The following ACOXL variants were observed in gnomAD, a reference collection of about 807,000 sequenced individuals.
The protein encoded by ACOXL is acyl-coenzyme A oxidase-like protein.
Under a neutral mutation model 71.9 loss-of-function variants are expected in ACOXL, and 70 were observed. The ratio of observed to expected loss-of-function variants is 0.97; its 90% CI spans 0.80 to 1.19. The LOEUF (loss-of-function observed/expected upper bound fraction) is 1.19, where lower values mean the gene tolerates loss of function less well. Ranked by LOEUF, ACOXL falls within the 50% of genes most tolerant of loss-of-function variation. The probability of loss-of-function intolerance (pLI) is 0.00; values close to 1 mark genes in which losing one functional copy is unlikely to be tolerated. For synonymous variants in ACOXL, 253 were observed against 281.6 expected (o/e 0.90, Z 1.02); for missense variants, 703 against 736.3 (o/e 0.95, Z 0.52).
chr2:111,100,838 G>A (rs1441897053), intron 17 of ACOXL: 1 of 152,676 alleles, frequency 6.5e-6, no homozygotes, highest in Non-Finnish European at 1.5e-5. Context: ...GAGCTGCTCA[G>A]GAGCCCAGCT....
chr2:110,995,873 T>A lies in ACOXL; in HGVS notation c.1170-20T>A. The A allele has an allele frequency of 6.3e-7, 1 of 1,589,266 alleles. No individual in the cohort carries two copies. Among genetic ancestry groups the A allele is most frequent in the Non-Finnish European group, 8.6e-7 (1 of 1,157,832 alleles). On this transcript the variant is annotated intron_variant, in intron 13 of 17. Coordinates refer to ENST00000439055, the MANE Select transcript of ACOXL (RefSeq NM_001142807.4). ...GGTGAGGCCAAAATAATAATGATGG[T>A]CACCGTGATTTTCTTTCAGTTTCCT...
intron 13 of ACOXL, among the ~76,000 whole-genome samples, chr2:110,987,962 A>G (rs1210025400): frequency 6.6e-6 from 1 of 152,208 alleles, no homozygotes; most frequent in African/African-American, 2.4e-5. Flanking sequence ...AACTTAATTG[A>G]CATTACTTAG....
At chr2:111,047,196 A>G (rs1425269878) in intron 15 of ACOXL, among the ~76,000 whole-genome samples, 1 of 152,164 alleles carries the variant, frequency 6.6e-6, no homozygotes, top group Non-Finnish European at 1.5e-5. Context: ...TTTGGATTGG[A>G]TGTACAGAGT....
chr2:110,897,894 A>G lies in ACOXL; in HGVS notation c.789-10895A>G, dbSNP rs140291659. Among the ~76,000 whole-genome samples, 552 of 152,316 alleles carry G rather than the reference A, an allele frequency of 3.6e-3. 10 individuals are homozygous for G. Among genetic ancestry groups the G allele is most frequent in the African/African-American group, 0.013 (525 of 41,588 alleles). The stretch of plus-strand genomic sequence containing the variant: ...AGAGACTACACAAATTACTAACATC[A>G]GGAATGATACAGGGGATATTATTGT... On this transcript the variant is annotated intron_variant, in intron 10 of 17. Coordinates refer to ENST00000439055, the MANE Select transcript of ACOXL (RefSeq NM_001142807.4).
chr2:110,963,689 AG>A, intron 12 of ACOXL: 1 of 1,613,872 alleles, frequency 6.2e-7, no homozygotes, highest in Non-Finnish European at 8.5e-7. Context: ...CCACTTTTGA[AG>A]GTGACGATGT....
chr2:110,735,882 C>T (rs537060551), intron 1 of ACOXL, among the ~76,000 whole-genome samples: 21 of 152,152 alleles, frequency 1.4e-4, no homozygotes, highest in Non-Finnish European at 2.8e-4. Flanking sequence ...GGGAAGCTCT[C>T]TCAGGAGAGG....
intron 10 of ACOXL, among the ~76,000 whole-genome samples, chr2:110,868,480 C>T (rs1694881637): frequency 6.6e-6 from 1 of 152,238 alleles, no homozygotes; most frequent in South Asian, 2.1e-4. Flanking sequence ...TATCGACCCA[C>T]GTGAATCTAT....
chr2:110,928,875 A>G (rs1339123116), intron 11 of ACOXL, among the ~76,000 whole-genome samples: 2 of 152,282 alleles, frequency 1.3e-5, no homozygotes, highest in African/African-American at 4.8e-5. Flanking sequence ...CTTGTCTCCC[A>G]TTGTCTTCTT....
intron 11 of ACOXL, among the ~76,000 whole-genome samples, chr2:110,925,604 A>G (rs1189112014): frequency 6.6e-6 from 1 of 152,240 alleles, no homozygotes; most frequent in African/African-American, 2.4e-5. Context: ...GTTCTGGATT[A>G]GGCTTTGGCT....
chr2:111,083,186 T>TA (rs950526727), intron 16 of ACOXL, among the ~76,000 whole-genome samples: 5 of 151,752 alleles, frequency 3.3e-5, no homozygotes, highest in East Asian at 3.9e-4. Flanking sequence ...TTATAATAAT[T>TA]AAAAAAAAGA....
chr2:111,035,862 G>A (rs1270631198), intron 15 of ACOXL, among the ~76,000 whole-genome samples: 1 of 152,184 alleles, frequency 6.6e-6, no homozygotes, highest in African/African-American at 2.4e-5. Context: ...CCTCTCAGTT[G>A]TTAGTGGGGC....
At chr2:110,924,051 T>C (rs2060179851) in intron 11 of ACOXL, among the ~76,000 whole-genome samples, 1 of 152,334 alleles carries the variant, frequency 6.6e-6, no homozygotes. Flanking sequence ...ACATGAGTCA[T>C]AATTTTTTTG....
intron 11 of ACOXL, among the ~76,000 whole-genome samples, chr2:110,917,820 T>A (rs1034978566): frequency 6.6e-6 from 1 of 152,044 alleles, no homozygotes; most frequent in Admixed American, 6.5e-5. Context: ...ACAAAGAGAA[T>A]AAAATACCTA....
chr2:110,856,629 G>T (rs1036833083), intron 10 of ACOXL, among the ~76,000 whole-genome samples: 2 of 152,234 alleles, frequency 1.3e-5, no homozygotes, highest in Non-Finnish European at 2.9e-5. Flanking sequence ...TAGTTTTGCT[G>T]TCACACCTCA....
chr2:110,832,260 C>T (rs568096469), intron 9 of ACOXL, among the ~76,000 whole-genome samples: 16 of 152,220 alleles, frequency 1.1e-4, no homozygotes, highest in African/African-American at 1.9e-4. Flanking sequence ...ACTAGTAGGC[C>T]GGGCGCGGTG....
At chr2:110,826,941 GC>G (rs2105580474) in intron 9 of ACOXL, among the ~76,000 whole-genome samples, 1 of 152,094 alleles carries the variant, frequency 6.6e-6, no homozygotes, top group South Asian at 2.1e-4. Flanking sequence ...GTTCAGATGG[GC>G]TCGCTCTCCA....
intron 14 of ACOXL, among the ~76,000 whole-genome samples, chr2:111,001,770 C>G (rs1455339592): frequency 6.6e-6 from 1 of 152,124 alleles, no homozygotes; most frequent in Non-Finnish European, 1.5e-5. Flanking sequence ...ACCTGAGGAG[C>G]CTTATTTGCA....
chr2:111,060,338 C>A (rs965541588), intron 16 of ACOXL, among the ~76,000 whole-genome samples: 1 of 152,146 alleles, frequency 6.6e-6, no homozygotes, highest in African/African-American at 2.4e-5. Flanking sequence ...AATGAGGCCA[C>A]CCCCTGGTAG....
chr2:110,787,067 A>T (rs1017607577), intron 3 of ACOXL, among the ~76,000 whole-genome samples: 5 of 151,162 alleles, frequency 3.3e-5, no homozygotes, highest in African/African-American at 1.2e-4. Context: ...AAGGGAAAGT[A>T]GGTAGGGGTG....
Sources: gnomAD v4.1 joint callset for allele counts (sites outside exome capture counted in the v4.1 genomes callset) on GRCh38, gnomAD v4.1.1 for gene constraint, MANE v1.5 for transcripts, NCBI Gene and HGNC (gene_info 2026-07-23, HGNC 2026-07-21) for gene names.